Variants in A2ML1 observed in about 807,000 individuals in gnomAD.
A2ML1 encodes alpha-2-macroglobulin like 1, also known as alpha-2-macroglobulin-like protein 1.
A2ML1 carries 161 observed loss-of-function variants against 181.9 expected under a neutral mutation model. The ratio of observed to expected loss-of-function variants is 0.89; its 90% CI spans 0.78 to 1.01. The LOEUF is 1.01. Among genes scored for constraint, A2ML1 ranks in the 50% least tolerant of loss-of-function variants. A2ML1 has a pLI of 0.00. For missense variants in A2ML1, 1,670 were observed against 1,768.1 expected, an observed-to-expected ratio of 0.94 and a Z score of 1.00; for synonymous variants, 663 against 666.8, an observed-to-expected ratio of 0.99 and a Z score of 0.09.
At chr12:8,850,973 A>G (rs766719859) in intron 18 of A2ML1, among the ~76,000 whole-genome samples, 1 of 152,156 alleles carries the variant, frequency 6.6e-6, no homozygotes, top group African/African-American at 2.4e-5. Context: ...TCCTGGCCTC[A>G]AGTGATCCAC....
chr12:8,843,956 G>A (rs1258585115), intron 12 of A2ML1, among the ~76,000 whole-genome samples: 4 of 151,894 alleles, frequency 2.6e-5, no homozygotes, highest in Non-Finnish European at 5.9e-5. Context: ...TCCTGACCTC[G>A]TGATCCACCT....
Position 8,823,385 on chromosome 12 carries a change from T to G in A2ML1, c.246+20T>G. ...TTTCTTGTAAGCACAGACTCAGCCCTCACTCGAATCCCTTACTTGCCTATT... is the reference window on the plus strand; with the variant it reads ...TTTCTTGTAAGCACAGACTCAGCCCGCACTCGAATCCCTTACTTGCCTATT... On this transcript the variant is annotated intron_variant, in intron 2 of 35. Transcript: ENST00000299698. 5.0e-6 allele frequency: 8 copies of G among 1,603,076 alleles called. No homozygotes were observed. Among genetic ancestry groups the G allele is most frequent in the Non-Finnish European group, 6.8e-6 (8 of 1,173,996 alleles).
chr12:8,833,436 C>T (rs777394025), intron 4 of A2ML1, among the ~76,000 whole-genome samples: 23 of 152,200 alleles, frequency 1.5e-4, no homozygotes, highest in Admixed American at 5.9e-4. Flanking sequence ...GTTACTTTGT[C>T]ACCCAGGCTG....
intron 5 of A2ML1, chr12:8,834,911 G>A: frequency 1.8e-6 from 1 of 569,660 alleles, no homozygotes. Flanking sequence ...CCTCTGTAAT[G>A]ACTACACCGC....
At chr12:8,840,472 G>C (rs1013512699) in intron 10 of A2ML1, among the ~76,000 whole-genome samples, 2 of 151,998 alleles carry the variant, frequency 1.3e-5, no homozygotes, top group Non-Finnish European at 2.9e-5. Flanking sequence ...TTCTTGTACA[G>C]CTGGTCCACA....
downstream of A2ML1, among the ~76,000 whole-genome samples, chr12:8,887,263 G>A (rs145730413): frequency 2.6e-4 from 39 of 152,294 alleles, no homozygotes; most frequent in African/African-American, 8.9e-4. Context: ...ACAGTTTAAA[G>A]TTATGCTAGA....
In A2ML1 at chr12:8,846,141, G is replaced by C. The variant is rs146213855; in HGVS notation, c.1602G>C (p.Leu534=). Residue 534 remains leucine, a synonymous_variant, in exon 14 of 36, where the codon CTG becomes CTC. Transcript: ENST00000299698. ...FTSRLAPDPS[L]VIYAIFPSGG... is the part of the protein sequence containing the mutation. The stretch of plus-strand genomic sequence containing the variant: ...CGAGACTGGCCCCTGATCCTTCCCT[G>C]GTGATCTATGCCATTTTTCCCAGTG... The C allele has an allele frequency of 9.4e-5, 152 of 1,614,170 alleles. No homozygotes were observed. In the African/African-American group the frequency reaches 1.2e-3, roughly 13 times the overall value.
In A2ML1 at chr12:8,876,774, G is replaced by A. The variant is rs1393963822; in HGVS notation, c.*718G>A. On this transcript the variant is annotated 3_prime_UTR_variant, in exon 36 of 36. Coordinates refer to ENST00000299698, the MANE Select transcript of A2ML1 (RefSeq NM_144670.6). ...GAAATTGGCTAAAAAAATAAAAATG[G>A]AAAAGAAAATCTGTGCATTTAGTTC... The A allele has an allele frequency of 6.6e-6, 1 of 152,098 alleles. No homozygotes were observed. Among genetic ancestry groups the A allele is most frequent in the African/African-American group, 2.4e-5 (1 of 41,426 alleles). 9.4% of individuals were successfully genotyped at this position (152,098 alleles called of 1,614,324 possible).
intron 4 of A2ML1, among the ~76,000 whole-genome samples, chr12:8,831,907 G>T (rs1348421994): frequency 1.3e-5 from 2 of 152,064 alleles, no homozygotes; most frequent in South Asian, 2.1e-4. Context: ...GCGCCAACAC[G>T]CCCGGCTAAT....
Position 8,854,792 on chromosome 12 carries a change from C to A in A2ML1, c.2725C>A (p.Leu909Met), listed in dbSNP as rs781687763. ...KPVLVKPEGV[L>M]VEKTHSSLLC... ...CTCTTCATCGCAGCCTGAGGGAGTC[C>A]TGGTGGAGAAGACACACAGCTCATT... The change falls in exon 22 of 36, where the codon CTG becomes ATG. Residue 909 changes from leucine (L) to methionine (M), a missense_variant. By Grantham distance (15) the Leu-to-Met change is conservative. Coordinates refer to ENST00000299698, the MANE Select transcript of A2ML1 (RefSeq NM_144670.6). 1 of 1,614,074 alleles carries A rather than the reference C, an allele frequency of 6.2e-7. No homozygotes were observed. The highest frequency in any genetic ancestry group is 1.1e-5 in the South Asian group (1 of 91,074).
chr12:8,830,481 A>C (rs1943075499), intron 4 of A2ML1, among the ~76,000 whole-genome samples: 1 of 152,180 alleles, frequency 6.6e-6, no homozygotes, highest in Non-Finnish European at 1.5e-5. Flanking sequence ...AATAATTTAC[A>C]AAGTAGGTAA....
intron 18 of A2ML1, 39 bp from the exon 19 acceptor site, chr12:8,851,745 C>T (rs377278177): frequency 1.4e-4 from 223 of 1,600,010 alleles, no homozygotes; most frequent in Middle Eastern, 1.9e-4. Context: ...CCTTGCCCCA[C>T]GCTACCTCTG....
Position 8,864,260 on chromosome 12 carries a change from C to T in A2ML1, c.3717+252C>T, listed in dbSNP as rs61919497. 6.2e-4 allele frequency among the ~76,000 whole-genome samples: 74 copies of T among 118,812 alleles called. 1 individual carries two copies. Among genetic ancestry groups the T allele is most frequent in the African/African-American group, 2.3e-3 (73 of 32,248 alleles). 77.9% of individuals were successfully genotyped at this position (118,812 alleles called of 152,430 possible). A position where few individuals can be genotyped will look rare whatever the true frequency, so the allele number is the denominator to read the frequency against. On this transcript the variant is annotated intron_variant, in intron 29 of 35. Coordinates refer to ENST00000299698, the MANE Select transcript of A2ML1 (RefSeq NM_144670.6). ...GGGCATGGTGGCTCATGCCTGTCATCGCAGCACTTTGAGAGGCCGAGGCAG... is the reference window on the plus strand; with the variant it reads ...GGGCATGGTGGCTCATGCCTGTCATTGCAGCACTTTGAGAGGCCGAGGCAG...
intron 30 of A2ML1, 68 bp downstream of exon 30, chr12:8,868,125 C>A (rs771494896): frequency 6.8e-6 from 11 of 1,607,296 alleles, no homozygotes; most frequent in Admixed American, 5.0e-5. Flanking sequence ...TCCCCTTAGG[C>A]CTTCTCTCTC....
rs745831894 is a variant in A2ML1 at position 8,838,802 on chromosome 12, T to C, written c.971-311T>C. 1.8e-4 allele frequency among the ~76,000 whole-genome samples: 27 copies of C among 150,976 alleles called. No homozygotes were observed. In the East Asian group the frequency reaches 5.3e-3, roughly 30 times the overall value. On this transcript the variant is annotated intron_variant, in intron 9 of 35. Transcript: ENST00000299698. ...TGACGGGGGCGCCTGTAGTCCCAGC[T>C]ACTCGGGGAGGCTGAGGCAGGAGAA...
rs776868144 is a variant in A2ML1 at position 8,843,234 on chromosome 12, G to A, written c.1349G>A (p.Arg450His). 123 of 1,613,984 alleles carry A rather than the reference G, an allele frequency of 7.6e-5. No individual in the cohort carries two copies. The highest frequency in any genetic ancestry group is 1.6e-4 in the Middle Eastern group (1 of 6,084). ...LHLRPFYSTT[R>H]SFLGIHRLNG... ...CTGCGACCCTTCTACAGCACAACCCGCAGCTTCCTTGGCATCCACCGGCTA... is the reference window on the plus strand; with the variant it reads ...CTGCGACCCTTCTACAGCACAACCCACAGCTTCCTTGGCATCCACCGGCTA... Residue 450 changes from arginine to histidine, a missense_variant, in exon 12 of 36, where the codon CGC becomes CAC. Arg to His is a conservative substitution (Grantham distance 29). Transcript: ENST00000299698.
intron 9 of A2ML1, 69 bp downstream of exon 9, chr12:8,838,519 A>G: frequency 1.6e-6 from 2 of 1,240,074 alleles, no homozygotes; most frequent in Non-Finnish European, 2.3e-6. Flanking sequence ...GGACAGATTT[A>G]CTCCAAGTAT....
In A2ML1 at chr12:8,846,165, T is replaced by C. The variant is rs1943677623; in HGVS notation, c.1626T>C (p.Ser542=). 1 of 1,614,002 alleles carries C rather than the reference T, an allele frequency of 6.2e-7. No individual in the cohort carries two copies. The highest frequency in any genetic ancestry group is 8.5e-7 in the Non-Finnish European group (1 of 1,180,016). Residue 542 remains serine (S), a synonymous_variant, in exon 14 of 36, where the codon AGT becomes AGC. Transcript: ENST00000299698. ...TGGTGATCTATGCCATTTTTCCCAGTGGAGGTGTTGTAGCTGACAAAATTC... is the reference window on the plus strand; with the variant it reads ...TGGTGATCTATGCCATTTTTCCCAGCGGAGGTGTTGTAGCTGACAAAATTC... ...PSLVIYAIFP[S]GGVVADKIQF...
chr12:8,845,324 A>T, intron 12 of A2ML1, 118 bp from the exon 13 acceptor site: 1 of 1,420,782 alleles, frequency 7.0e-7, no homozygotes. Context: ...ATTGACCCGG[A>T]CTCTGAACTG....
Sources: gnomAD v4.1 joint callset for allele counts (sites outside exome capture counted in the v4.1 genomes callset) on GRCh38, gnomAD v4.1.1 for gene constraint, MANE v1.5 for transcripts, NCBI Gene and HGNC (gene_info 2026-07-23, HGNC 2026-07-21) for gene names.